RBFOX3: variants seen among roughly 807,000 people sequenced by gnomAD.
RBFOX3 encodes the protein RNA binding protein fox-1 homolog 3.
RBFOX3 carries 17 observed loss-of-function variants against 48.7 expected under a neutral mutation model. The observed-to-expected ratio is 0.35, with a 90% CI of 0.24 to 0.52. The LOEUF is 0.52. Among genes scored for constraint, RBFOX3 ranks in the 20% least tolerant of loss-of-function variants. The pLI is 0.94. For synonymous variants in RBFOX3, 212 were observed against 209.5 expected (o/e 1.01, Z -0.10); for missense variants, 382 against 497.5 (o/e 0.77, Z 2.21).
intron 2 of RBFOX3, among the ~76,000 whole-genome samples, chr17:79,432,664 A>C (rs1482762143): frequency 1.3e-5 from 2 of 152,200 alleles, no homozygotes; most frequent in Non-Finnish European, 2.9e-5. Context: ...CCAGATGTGA[A>C]GGGAACGGGT....
the RBFOX3 span, among the ~76,000 whole-genome samples, chr17:79,656,815 G>A: frequency 0.13 from 6,349 of 47,584 alleles, 216 homozygotes; most frequent in Middle Eastern, 0.15. Flanking sequence ...AGAAAAGAAA[G>A]AGAAAGAAAG....
chr17:79,415,670 T>C (rs565163221), intron 2 of RBFOX3, among the ~76,000 whole-genome samples: 2 of 152,116 alleles, frequency 1.3e-5, no homozygotes, highest in African/African-American at 2.4e-5. Flanking sequence ...TCAGTTACGA[T>C]GGGCACACAG....
chr17:79,420,176 A>ACAC lies in RBFOX3; in HGVS notation c.-175+62277_-175+62278insGTG, dbSNP rs1568218047. Among the ~76,000 whole-genome samples the ACAC allele has an allele frequency of 6.9e-4, 26 of 37,604 alleles. 1 individual carries two copies. Among genetic ancestry groups the ACAC allele is most frequent in the Middle Eastern group, 0.021 (1 of 48 alleles). 24.7% of individuals were successfully genotyped at this position (37,604 alleles called of 152,430 possible). A position where few individuals can be genotyped will look rare whatever the true frequency, so the allele number is the denominator to read the frequency against. ...ACACACACACACACACACACACACAAAAGATGGTTAACAGGTGTGCCTCCT... is the reference window on the plus strand; with the variant it reads ...ACACACACACACACACACACACACAACACAAGATGGTTAACAGGTGTGCCTCCT... On this transcript the variant is annotated intron_variant, in intron 2 of 14. Transcript: ENST00000693108.
At chr17:79,550,127 C>T (rs143482888) in intron 1 of RBFOX3, among the ~76,000 whole-genome samples, 410 of 152,234 alleles carry the variant, frequency 2.7e-3, no homozygotes, top group African/African-American at 9.6e-3. Context: ...GGCCTGTGAA[C>T]CTGAACACAA....
rs1204394881 is a variant in RBFOX3 at position 79,103,959 on chromosome 17, C to T, written c.414+114G>A. On this transcript the variant is annotated intron_variant, in intron 7 of 14. Transcript: ENST00000693108. This position sits in a 1 kb window ranked among gnomAD's most constrained non-coding sequence, Gnocchi z 6.1. The stretch of plus-strand genomic sequence containing the variant: ...GAGCGGGGAATACAAGCACCCGTGT[C>T]GCTCAGGGGTCCTCGGGCGCGAAGC... The T allele has an allele frequency of 1.3e-5, 11 of 844,796 alleles. No homozygotes were observed. The highest frequency in any genetic ancestry group is 3.3e-4 in the Middle Eastern group (1 of 3,030). 52.3% of individuals were successfully genotyped at this position (844,796 alleles called of 1,614,324 possible).
the RBFOX3 span, among the ~76,000 whole-genome samples, chr17:79,649,025 C>T: frequency 6.9e-6 from 1 of 145,508 alleles, no homozygotes; most frequent in Non-Finnish European, 1.5e-5. Flanking sequence ...GTAACCCAGG[C>T]TGGAGTGCAG....
intron 2 of RBFOX3, among the ~76,000 whole-genome samples, chr17:79,436,060 GC>G (rs1444491213): frequency 6.6e-6 from 1 of 152,220 alleles, no homozygotes; most frequent in Non-Finnish European, 1.5e-5. Flanking sequence ...AGCAGAGGGA[GC>G]CTCACTTCCC....
rs962949424 is a variant in RBFOX3, at chr17:79,423,243, G to A, written c.-175+59211C>T. Among the ~76,000 whole-genome samples the A allele has an allele frequency of 6.6e-6, 1 of 152,154 alleles. No homozygotes were observed. The highest frequency in any genetic ancestry group is 2.4e-5 in the African/African-American group (1 of 41,432). ...CCCCGTGGAAGCCCCATCTTTCCAG[G>A]TTCCCAGGTACAAGTTCGTGGCATT... On this transcript the variant is annotated intron_variant, in intron 2 of 14. Transcript: ENST00000693108. The surrounding 1 kb of genome is among the most constrained non-coding windows in gnomAD (Gnocchi z 4.9).
At chr17:79,611,425 G>A (rs1354450411), upstream of RBFOX3, among the ~76,000 whole-genome samples, 1 of 151,808 alleles carries the variant, frequency 6.6e-6, no homozygotes, top group Non-Finnish European at 1.5e-5. Context: ...CCAACTCCTC[G>A]GGGCAGGGGC....
rs2076818714 is a variant in RBFOX3 at position 79,311,301 on chromosome 17, T to C, written c.-174-3477A>G. 6.6e-6 allele frequency among the ~76,000 whole-genome samples: 1 copy of C among 151,972 alleles called. No homozygotes were observed. The highest frequency in any genetic ancestry group is 2.4e-5 in the African/African-American group (1 of 41,382). ...TACAAAAATTAGCTAGGCATGTTGG[T>C]GGGCACCTGTAGTTCCAGCTACCCA... On this transcript the variant is annotated intron_variant, in intron 2 of 14. Transcript: ENST00000693108. This position sits in a 1 kb window ranked among gnomAD's most constrained non-coding sequence, Gnocchi z 4.2.
At chr17:79,378,387 C>T (rs1272463927) in intron 2 of RBFOX3, among the ~76,000 whole-genome samples, 2 of 152,212 alleles carry the variant, frequency 1.3e-5, no homozygotes, top group Non-Finnish European at 2.9e-5. Flanking sequence ...ATGAGTTAGA[C>T]ACAGGCATGC....
At chr17:79,442,851 T>C (rs1432752911) in intron 2 of RBFOX3, among the ~76,000 whole-genome samples, 1 of 152,194 alleles carries the variant, frequency 6.6e-6, no homozygotes, top group Non-Finnish European at 1.5e-5. Context: ...AGGTTTCTTC[T>C]CTCAGCTCCC....
chr17:79,322,141 T>C (rs1447285522), intron 2 of RBFOX3, among the ~76,000 whole-genome samples: 1 of 150,912 alleles, frequency 6.6e-6, no homozygotes, highest in East Asian at 1.9e-4. Flanking sequence ...GAGATGGGTG[T>C]GATGAGGAGG....
chr17:79,419,459 C>T (rs1478761330), intron 2 of RBFOX3, among the ~76,000 whole-genome samples: 6 of 152,314 alleles, frequency 3.9e-5, no homozygotes, highest in African/African-American at 1.4e-4. Flanking sequence ...TAGCAGGCAA[C>T]GAGGACCACC....
chr17:79,130,343 C>T (rs1023049786), intron 4 of RBFOX3, among the ~76,000 whole-genome samples: 8 of 152,178 alleles, frequency 5.3e-5, no homozygotes, highest in Admixed American at 4.6e-4. Flanking sequence ...CAGGGATCAT[C>T]CAGGCAGAGC....
At chr17:79,096,923 C>G in intron 11 of RBFOX3, 90 bp from the exon 12 acceptor site, 1 of 609,736 alleles carries the variant, frequency 1.6e-6, no homozygotes, top group South Asian at 1.9e-5. Context: ...CGACCCCAGG[C>G]AGCTGTGCCC....
At chr17:79,144,245 G>A (rs1403194038) in intron 4 of RBFOX3, among the ~76,000 whole-genome samples, 14 of 152,240 alleles carry the variant, frequency 9.2e-5, no homozygotes, top group Non-Finnish European at 1.3e-4. Context: ...GCCTGCTCTC[G>A]AGGCAGGATC....
At chr17:79,631,070 G>A in the RBFOX3 span, among the ~76,000 whole-genome samples, 1 of 152,138 alleles carries the variant, frequency 6.6e-6, no homozygotes, top group Non-Finnish European at 1.5e-5. Context: ...AGTGCCTCTT[G>A]CATTTGGATT....
At chr17:79,247,375 C>CT (rs1302072181) in intron 3 of RBFOX3, among the ~76,000 whole-genome samples, 4 of 141,714 alleles carry the variant, frequency 2.8e-5, no homozygotes, top group African/African-American at 1.1e-4. Flanking sequence ...TGCAGTGGCA[C>CT]CATCTTGGCT....
Sources: allele counts gnomAD v4.1 joint callset (sites outside exome capture counted in the v4.1 genomes callset), GRCh38; gene constraint gnomAD v4.1.1; non-coding constraint Gnocchi (gnomAD v3.1); transcripts MANE v1.5; gene names NCBI Gene and HGNC (gene_info 2026-07-23, HGNC 2026-07-21).